Variants in RAB27B observed in about 807,000 individuals in gnomAD.
RAB27B encodes ras-related protein Rab-27B.
In RAB27B, 15 loss-of-function variants were observed where a neutral mutation model predicts 24.6. The observed-to-expected ratio is 0.61, with a 90% CI of 0.41 to 0.94. The LOEUF is 0.94. Among genes scored for constraint, RAB27B ranks in the 40% least tolerant of loss-of-function variants. RAB27B has a pLI of 0.00. For synonymous variants in RAB27B, 105 were observed against 92.5 expected, an observed-to-expected ratio of 1.14 and a Z score of -0.78; for missense variants, 261 against 266.8, an observed-to-expected ratio of 0.98 and a Z score of 0.15.
intron 2 of RAB27B, among the ~76,000 whole-genome samples, chr18:54,819,277 T>G (rs1007115851): frequency 7.4e-5 from 11 of 148,042 alleles, no homozygotes; most frequent in Non-Finnish European, 1.5e-4. Flanking sequence ...ACATTACTTA[T>G]TTTAGTATAC....
intron 1 of RAB27B, among the ~76,000 whole-genome samples, chr18:54,864,268 G>T (rs980709320): frequency 2.6e-5 from 4 of 152,090 alleles, no homozygotes; most frequent in Non-Finnish European, 5.9e-5. Flanking sequence ...ATGCTGTTTT[G>T]TCTTCTTTTC....
chr18:54,853,319 A>T (rs530286835), intron 1 of RAB27B, among the ~76,000 whole-genome samples: 1 of 152,316 alleles, frequency 6.6e-6, no homozygotes, highest in Non-Finnish European at 1.5e-5. Context: ...AGAGCAATTG[A>T]TCTTGAAATC....
At chr18:54,735,124 CA>C (rs1355238673) in intron 2 of RAB27B, among the ~76,000 whole-genome samples, 9 of 152,130 alleles carry the variant, frequency 5.9e-5, no homozygotes, top group Non-Finnish European at 8.8e-5. Context: ...TTCTGCCAGG[CA>C]AAAATTATTT....
chr18:54,755,301 A>G (rs1907967017), intron 2 of RAB27B, among the ~76,000 whole-genome samples: 1 of 152,158 alleles, frequency 6.6e-6, no homozygotes. Flanking sequence ...GAGGCAGGAG[A>G]ATCACTTGGA....
At chr18:54,794,531 C>A (rs183945103) in intron 2 of RAB27B, among the ~76,000 whole-genome samples, 2 of 152,274 alleles carry the variant, frequency 1.3e-5, no homozygotes, top group Admixed American at 1.3e-4. Flanking sequence ...TAGGATGATT[C>A]TCTGTCTGAG....
In RAB27B at chr18:54,876,048, G is replaced by A. The variant is rs145032168; in HGVS notation, c.-19-1519G>A. On this transcript the variant is annotated intron_variant, in intron 1 of 5. Coordinates refer to ENST00000262094, the MANE Select transcript of RAB27B (RefSeq NM_004163.4). ...AGAGGTTTAATTGACTCACAGTTTA[G>A]CGTGGCTGGGGAGTCCTCAGGAAAC... is the stretch of plus-strand genomic sequence containing the variant. 7.6e-3 allele frequency among the ~76,000 whole-genome samples: 1,152 copies of A among 152,220 alleles called. 16 individuals are homozygous for A. Among genetic ancestry groups the A allele is most frequent in the Non-Finnish European group, 0.01 (698 of 68,006 alleles).
At position 54,865,184 on chromosome 18, in the gene RAB27B, C is replaced by T. The variant is rs148075975; in HGVS notation, c.-19-12383C>T. ...CATTATTCTACTATCATTTGAGTTGCCTCAAATATTCCTAATTTTTTATAT... is the reference window on the plus strand; with the variant it reads ...CATTATTCTACTATCATTTGAGTTGTCTCAAATATTCCTAATTTTTTATAT... On this transcript the variant is annotated intron_variant, in intron 1 of 5. Transcript: ENST00000262094. 8.8e-3 allele frequency among the ~76,000 whole-genome samples: 1,329 copies of T among 150,636 alleles called. 25 individuals are homozygous for T. Among genetic ancestry groups the T allele is most frequent in the African/African-American group, 0.031 (1,268 of 40,876 alleles).
intron 3 of RAB27B, chr18:54,880,255 C>T (rs1337602124): frequency 6.6e-6 from 1 of 151,972 alleles, no homozygotes; most frequent in Non-Finnish European, 1.5e-5. Flanking sequence ...CAAGCTAATA[C>T]TCGGTAGACA....
rs1913532156 is a variant in RAB27B, at chr18:54,895,493, TA to T, written c.*6086del. ...TGATTGTTTCTGCACACTTTTCAAA[TA>T]AAAAATGAATTTTTATCAATTATTT... On this transcript the variant is annotated 3_prime_UTR_variant, in exon 6 of 6. Transcript: ENST00000262094. 6.6e-6 allele frequency: 1 copy of T among 152,124 alleles called. No individual in the cohort carries two copies. The highest frequency in any genetic ancestry group is 6.6e-5 in the Admixed American group (1 of 15,244). The allele number at this position is 152,124 out of a possible 1,614,324, so 9.4% of individuals were successfully genotyped here.
chr18:54,747,134 A>C (rs1313713401), intron 2 of RAB27B, among the ~76,000 whole-genome samples: 6 of 151,940 alleles, frequency 3.9e-5, no homozygotes. Flanking sequence ...ACCCCAGCCT[A>C]CTCTCCATAG....
intron 2 of RAB27B, among the ~76,000 whole-genome samples, chr18:54,758,789 G>A (rs891069515): frequency 6.6e-6 from 1 of 152,130 alleles, no homozygotes; most frequent in African/African-American, 2.4e-5. Flanking sequence ...TCTGTAGTAT[G>A]CTGAAGTGGG....
chr18:54,820,391 T>C (rs1037426970), intron 2 of RAB27B, among the ~76,000 whole-genome samples: 12 of 152,386 alleles, frequency 7.9e-5, no homozygotes, highest in African/African-American at 2.6e-4. Flanking sequence ...CATTTTTTCA[T>C]GTGCCTTTTG....
In RAB27B at chr18:54,845,405, C is replaced by CAAA. The variant is rs66477137; in HGVS notation, c.-20+16717_-20+16719dup. ...CTGGGCGATAAGTGAGACTCCATCT[C>CAAA]AAAAAAAAAAAAAATAAAATAAAAT... On this transcript the variant is annotated intron_variant, in intron 1 of 5. Transcript: ENST00000262094. 4.5e-3 allele frequency among the ~76,000 whole-genome samples: 533 copies of CAAA among 118,882 alleles called. 32 individuals are homozygous for CAAA. The highest frequency in any genetic ancestry group is 0.034 in the East Asian group (144 of 4,222). The allele number at this position is 118,882 out of a possible 152,430, so 78.0% of individuals were successfully genotyped here.
intron 2 of RAB27B, among the ~76,000 whole-genome samples, chr18:54,751,098 CA>C (rs2145031925): frequency 6.6e-6 from 1 of 152,276 alleles, no homozygotes; most frequent in South Asian, 2.1e-4. Flanking sequence ...AGAGGGCAGT[CA>C]GACAGCTTTT....
rs535603682 is a variant in RAB27B, at chr18:54,779,115, G to A, written c.-20+60974G>A. 2.2e-3 allele frequency among the ~76,000 whole-genome samples: 338 copies of A among 152,240 alleles called. 1 individual carries two copies. Among genetic ancestry groups the A allele is most frequent in the African/African-American group, 7.8e-3 (323 of 41,534 alleles). On this transcript the variant is annotated intron_variant, in intron 2 of 4. Coordinates refer to the RAB27B transcript ENST00000586570. ...GGCCTCCCAAAGTGCTAGGATTACA[G>A]GCATGAGCCACCGTACCTGGCGCAG...
chr18:54,864,986 AT>A (rs1806676005), intron 1 of RAB27B, among the ~76,000 whole-genome samples: 1 of 152,076 alleles, frequency 6.6e-6, no homozygotes, highest in African/African-American at 2.4e-5. Flanking sequence ...GTGTTGTGGC[AT>A]TGTTTTAAAG....
rs762854031 is a variant in RAB27B at position 54,877,690 on chromosome 18, T to C, written c.105T>C (p.Asn35=). ...ATAGATACACAGATAATAAATTCAA[T>C]CCCAAATTCATCACTACAGTAGGAA... ...FLYRYTDNKF[N]PKFITTVGID... Residue 35 remains asparagine, a synonymous_variant, in exon 2 of 6, where the codon AAT becomes AAC. Coordinates refer to ENST00000262094, the MANE Select transcript of RAB27B (RefSeq NM_004163.4). 1.9e-6 allele frequency: 3 copies of C among 1,598,750 alleles called. 1 individual carries two copies. The South Asian group carries it at 3.4e-5, about 18-fold the overall frequency.
chr18:54,766,418 T>G (rs1908363960), intron 2 of RAB27B, among the ~76,000 whole-genome samples: 3 of 152,178 alleles, frequency 2.0e-5, no homozygotes, highest in African/African-American at 7.2e-5. Flanking sequence ...GGCTTTGCCT[T>G]CGGTTGCCTT....
chr18:54,764,376 T>C (rs919310993), intron 2 of RAB27B, among the ~76,000 whole-genome samples: 1 of 152,218 alleles, frequency 6.6e-6, no homozygotes, highest in African/African-American at 2.4e-5. Context: ...TGCAATATTG[T>C]AAATATTGTA....
Sources: gnomAD v4.1 joint callset for allele counts (sites outside exome capture counted in the v4.1 genomes callset) on GRCh38, gnomAD v4.1.1 for gene constraint, MANE v1.5 for transcripts, NCBI Gene and HGNC (gene_info 2026-07-23, HGNC 2026-07-21) for gene names.